The following TRMT5 variants were observed in gnomAD, a reference collection of about 807,000 sequenced individuals.
TRMT5 encodes the protein tRNA (guanine(37)-N(1))-methyltransferase.
In TRMT5, 31 loss-of-function variants were observed where a neutral mutation model predicts 42.2. The observed-to-expected ratio is 0.73, with a 90% confidence interval of 0.55 to 0.99. The LOEUF (loss-of-function observed/expected upper bound fraction) is 0.99. TRMT5 is among the 50% of genes least tolerant of loss of function. The pLI is 0.00. For synonymous variants in TRMT5, 198 were observed against 209.6 expected, an observed-to-expected ratio of 0.94 and a Z score of 0.48; for missense variants, 568 against 595.0, an observed-to-expected ratio of 0.95 and a Z score of 0.47.
Position 60,976,122 on chromosome 14 carries a change from C to T in TRMT5, c.797G>A (p.Arg266Gln), listed in dbSNP as rs575587861. ...AAATTCATAGGTGTAGTTGTTTTCT[C>T]GAACCTGAAAAAAGGTGTTATGCTT... Reference protein sequence around the residue: ...SGEQNMMTKVRENNYTYEFDF... With the variant: ...SGEQNMMTKVQENNYTYEFDF... Residue 266 changes from arginine to glutamine, a missense_variant, in exon 4 of 5, where the codon CGA (arginine) becomes CAA (glutamine). Arg to Gln is a conservative substitution (Grantham distance 43). Transcript: ENST00000261249. The T allele has an allele frequency of 1.5e-5, 24 of 1,596,722 alleles. No individual in the cohort carries two copies. The highest frequency in any genetic ancestry group is 1.1e-4 in the African/African-American group (8 of 73,914).
intron 1 of TRMT5, 115 bp downstream of exon 1, chr14:60,980,848 G>A: frequency 6.7e-7 from 1 of 1,495,996 alleles, no homozygotes; most frequent in Non-Finnish European, 9.2e-7. Flanking sequence ...CAGCACCTAG[G>A]CGGGTGGGTG....
intron 2 of TRMT5, 36 bp from the exon 3 acceptor site, chr14:60,977,674 T>C: frequency 1.3e-6 from 2 of 1,544,426 alleles, no homozygotes; most frequent in Admixed American, 2.1e-5. Context: ...ATACTGCCTA[T>C]TGGTTGCAAA....
chr14:60,972,417 A>ACAT lies in TRMT5; in HGVS notation c.*2691_*2692insATG. 1.9e-6 allele frequency: 1 copy of ACAT among 533,688 alleles called. No individual in the cohort carries two copies. 33.1% of individuals were successfully genotyped at this position (533,688 alleles called of 1,614,324 possible). A position where few individuals can be genotyped will look rare whatever the true frequency, so the allele number is the denominator to read the frequency against. On this transcript the variant is annotated 3_prime_UTR_variant, in exon 5 of 5. Coordinates refer to ENST00000261249, the MANE Select transcript of TRMT5 (RefSeq NM_020810.3). ...AGATCTTCTCTGTGATTCATCCTTC[A>ACAT]CCTTGGCTTTATCTCCTTTAGCATC...
chr14:60,972,118 G>C lies in TRMT5; in HGVS notation c.*2991C>G, dbSNP rs995017383. The C allele has an allele frequency of 1.4e-5, 5 of 367,170 alleles. No homozygotes were observed. Among genetic ancestry groups the C allele is most frequent in the African/African-American group, 1.1e-4 (5 of 46,788 alleles). The allele number at this position is 367,170 out of a possible 1,614,324, so 22.7% of individuals were successfully genotyped here. Reference sequence around the variant, plus strand: ...CCCTTCCCCCAAAAACAACAATGAAGTGTTCTGTGTGCTAACAACATAGCT... The same window carrying C: ...CCCTTCCCCCAAAAACAACAATGAACTGTTCTGTGTGCTAACAACATAGCT... On this transcript the variant is annotated 3_prime_UTR_variant, in exon 5 of 5. Transcript: ENST00000261249.
Position 60,979,214 on chromosome 14 carries a change from T to C in TRMT5, c.667+17A>G. Reference sequence around the variant, plus strand: ...AAATTCCCTTCAAATACATGAATATTACTATGACACACGTACCAATTAAAT... The same window carrying C: ...AAATTCCCTTCAAATACATGAATATCACTATGACACACGTACCAATTAAAT... On this transcript the variant is annotated intron_variant, in intron 2 of 4. Transcript: ENST00000261249. 6.4e-7 allele frequency: 1 copy of C among 1,551,644 alleles called. No homozygotes were observed. The highest frequency in any genetic ancestry group is 8.7e-7 in the Non-Finnish European group (1 of 1,151,890).
Position 60,975,169 on chromosome 14 carries a change from T to A in TRMT5, c.1470A>T (p.Lys490Asn), listed in dbSNP as rs201300528. ...NPENHEDPPL[K>N]RQRTAEAFSD... ...AAAAGGCTTCAGCCGTCCTCTGCCTTTTAAGAGGTGGATCTTCATGATTCT... is the reference window on the plus strand; with the variant it reads ...AAAAGGCTTCAGCCGTCCTCTGCCTATTAAGAGGTGGATCTTCATGATTCT... The change falls in exon 5 of 5, where the codon AAA (lysine) becomes AAT (asparagine). Residue 490 changes from lysine to asparagine, a missense_variant. Transcript: ENST00000261249. 6.2e-7 allele frequency: 1 copy of A among 1,608,788 alleles called. No individual in the cohort carries two copies. The highest frequency in any genetic ancestry group is 1.3e-5 in the African/African-American group (1 of 74,690).
chr14:60,977,953 T>G (rs1209558472), intron 2 of TRMT5, among the ~76,000 whole-genome samples: 1 of 152,202 alleles, frequency 6.6e-6, no homozygotes, highest in East Asian at 1.9e-4. Context: ...ACCAAAAAGG[T>G]AGATCACAAG....
rs778949562 is a variant in TRMT5, at chr14:60,979,879, A to G, written c.19T>C (p.Trp7Arg). 3.9e-6 allele frequency: 6 copies of G among 1,537,596 alleles called. No homozygotes were observed. The highest frequency in any genetic ancestry group is 2.3e-5 in the East Asian group (1 of 44,132). The part of the protein sequence containing the change: MVLWIL[W>R]RPFGFSGRFL... ...CTTCCTGAGAATCCAAATGGCCTCC[A>G]TAAGATCCTTAAAAAAAAAAAAAAA... is the stretch of plus-strand genomic sequence containing the variant. Residue 7 changes from tryptophan (W) to arginine (R), a missense_variant, in exon 2 of 5, where the codon TGG becomes CGG. By Grantham distance (101) the Trp-to-Arg change is moderately radical. Coordinates refer to ENST00000261249, the MANE Select transcript of TRMT5 (RefSeq NM_020810.3).
chr14:60,980,019 T>C, intron 1 of TRMT5, 133 bp from the exon 2 acceptor site: 2 of 1,020,840 alleles, frequency 2.0e-6, no homozygotes, highest in Non-Finnish European at 2.7e-6. Flanking sequence ...TACTATCTTT[T>C]CCAGACTAGG....
rs140182830 is a variant in TRMT5 at position 60,975,932 on chromosome 14, A to G, written c.987T>C (p.Asn329=). ...ACAACAGCCATTTATGAGATTCAGG[A>G]TTGAGATCATTGGCAAATACAGTGC... ...KNCTVFANDL[N]PESHKWLLYN... Residue 329 remains asparagine, a synonymous_variant, in exon 4 of 5, where the codon AAT becomes AAC. Coordinates refer to ENST00000261249, the MANE Select transcript of TRMT5 (RefSeq NM_020810.3). 302 of 1,614,056 alleles carry G rather than the reference A, an allele frequency of 1.9e-4. No individual in the cohort carries two copies. The highest frequency in any genetic ancestry group is 3.3e-4 in the Admixed American group (20 of 59,990).
Position 60,977,497 on chromosome 14 carries a change from G to A in TRMT5, c.792+17C>T. 4 of 1,590,814 alleles carry A rather than the reference G, an allele frequency of 2.5e-6. No homozygotes were observed. Among genetic ancestry groups the A allele is most frequent in the South Asian group, 1.2e-5 (1 of 86,226 alleles). On this transcript the variant is annotated intron_variant, in intron 3 of 4. Coordinates refer to ENST00000261249, the MANE Select transcript of TRMT5 (RefSeq NM_020810.3). The stretch of plus-strand genomic sequence containing the variant: ...ATAATATTGATATACACCTTACTTG[G>A]AGATAATAAAATATACCTTTGTCAT...
In TRMT5 at chr14:60,976,656, T is replaced by C. The variant is rs117597164; in HGVS notation, c.793-530A>G. Among the ~76,000 whole-genome samples, 166 of 152,330 alleles carry C rather than the reference T, an allele frequency of 1.1e-3. No individual in the cohort carries two copies. In the East Asian group the frequency reaches 0.023, roughly 21 times the overall value. ...TGTGTCACTCAATTTTGAGGTATTT[T>C]ACTATGTTTTTCGACAGCTACTTGA... On this transcript the variant is annotated intron_variant, in intron 3 of 4. Transcript: ENST00000261249.
At position 60,972,236 on chromosome 14, in the gene TRMT5, GCA is replaced by G. The variant is rs2036785696; in HGVS notation, c.*2871_*2872del. ...CACCAGAAGTACAGTTATAAAAAATGCACACACTTCACTTGGGATCTCCAGCA... is the reference window on the plus strand; with the variant it reads ...CACCAGAAGTACAGTTATAAAAAATGCACACTTCACTTGGGATCTCCAGCA... On this transcript the variant is annotated 3_prime_UTR_variant, in exon 5 of 5. Coordinates refer to ENST00000261249, the MANE Select transcript of TRMT5 (RefSeq NM_020810.3). 1.9e-6 allele frequency: 1 copy of G among 523,188 alleles called. No individual in the cohort carries two copies. Among genetic ancestry groups the G allele is most frequent in the African/African-American group, 1.9e-5 (1 of 51,548 alleles). The allele number at this position is 523,188 out of a possible 1,614,324, so 32.4% of individuals were successfully genotyped here.
At chr14:60,981,186 C>A, upstream of TRMT5, 1 of 1,535,974 alleles carries the variant, frequency 6.5e-7, no homozygotes, top group Non-Finnish European at 8.8e-7. Context: ...AAGGGCCGGG[C>A]TCAAAGCTCC....
In TRMT5 at chr14:60,974,820, C is replaced by T. The variant is rs139801739; in HGVS notation, c.*289G>A. On this transcript the variant is annotated 3_prime_UTR_variant, in exon 5 of 5. Transcript: ENST00000261249. The stretch of plus-strand genomic sequence containing the variant: ...TACCTTCCTAGTTAGTACTCAATCA[C>T]CCTACTTTCAAAAATTATTTTCCCT... The T allele has an allele frequency of 5.5e-6, 1 of 180,850 alleles. No individual in the cohort carries two copies. Among genetic ancestry groups the T allele is most frequent in the East Asian group, 1.5e-4 (1 of 6,726 alleles). The allele number at this position is 180,850 out of a possible 1,614,324, so 11.2% of individuals were successfully genotyped here. A position where few individuals can be genotyped will look rare whatever the true frequency, so the allele number is the denominator to read the frequency against.
intron 3 of TRMT5, among the ~76,000 whole-genome samples, chr14:60,976,693 T>C (rs2036852925): frequency 6.6e-6 from 1 of 152,190 alleles, no homozygotes; most frequent in African/African-American, 2.4e-5. Context: ...CTTTGCAAAT[T>C]TGATGTCTAT....
intron 1 of TRMT5, among the ~76,000 whole-genome samples, chr14:60,980,357 G>T (rs907129054): frequency 3.3e-4 from 50 of 152,154 alleles, no homozygotes; most frequent in African/African-American, 1.1e-3. Context: ...GTGCAGTATT[G>T]CACCCTCATT....
In TRMT5 at chr14:60,977,508, A is replaced by G. The variant is rs754396692; in HGVS notation, c.792+6T>C. ...ATACACCTTACTTGGAGATAATAAA[A>G]TATACCTTTGTCATCATGTTCTGCT... On this transcript the variant is annotated splice_donor_region_variant and intron_variant, in intron 3 of 4. Transcript: ENST00000261249. 51 of 1,600,016 alleles carry G rather than the reference A, an allele frequency of 3.2e-5. No homozygotes were observed. The highest frequency in any genetic ancestry group is 3.7e-5 in the Non-Finnish European group (43 of 1,175,302).
chr14:60,977,410 T>C, intron 3 of TRMT5, 104 bp downstream of exon 3: 1 of 1,179,182 alleles, frequency 8.5e-7, no homozygotes, highest in Non-Finnish European at 1.2e-6. Context: ...CATTCTCACA[T>C]ACTCACCAAC....
Sources: gnomAD v4.1 joint callset for allele counts (sites outside exome capture counted in the v4.1 genomes callset) on GRCh38, gnomAD v4.1.1 for gene constraint, MANE v1.5 for transcripts, NCBI Gene and HGNC (gene_info 2026-07-23, HGNC 2026-07-21) for gene names.